Variants in BYSL observed in about 807,000 individuals in gnomAD.
BYSL encodes the protein bystin.
Under a neutral mutation model 45.4 loss-of-function variants are expected in BYSL, and 21 were observed. The observed-to-expected ratio is 0.46, with a 90% CI of 0.33 to 0.67. The LOEUF (loss-of-function observed/expected upper bound fraction) is 0.67, where lower values mean the gene tolerates loss of function less well. Among genes scored for constraint, BYSL ranks in the 30% least tolerant of loss-of-function variants. BYSL has a pLI of 0.02. For missense variants in BYSL, 522 were observed against 578.5 expected (o/e 0.90, Z 1.00); for synonymous variants, 215 against 231.3 (o/e 0.93, Z 0.64).
At chr6:41,922,102 G>A (rs1206949145) in intron 1 of BYSL, among the ~76,000 whole-genome samples, 2 of 152,134 alleles carry the variant, frequency 1.3e-5, no homozygotes, top group African/African-American at 4.8e-5. Context: ...ATATTTATGG[G>A]ATACCCACTA....
the BYSL span, among the ~76,000 whole-genome samples, chr6:41,915,525 C>G: frequency 6.6e-6 from 1 of 151,978 alleles, no homozygotes; most frequent in Non-Finnish European, 1.5e-5. Context: ...CGGTGGCTCA[C>G]GCCTATAATC....
In BYSL at chr6:41,932,554, C is replaced by G; in HGVS notation, c.1162C>G (p.Arg388Gly). ...WHQCLLTLVQ[R>G]YKADLATDQK... ...CCAGTGCCTCCTGACTTTGGTCCAG[C>G]GCTACAAGGCCGACTTGGCCACAGA... The change falls in exon 7 of 7, where the codon CGC becomes GGC. Residue 388 changes from arginine (R) to glycine (G), a missense_variant. Coordinates refer to ENST00000230340, the MANE Select transcript of BYSL (RefSeq NM_004053.4). The surrounding 1 kb of genome is among the most constrained non-coding windows in gnomAD (Gnocchi z 4.7). 1 of 1,614,218 alleles carries G rather than the reference C, an allele frequency of 6.2e-7. No homozygotes were observed. The highest frequency in any genetic ancestry group is 8.5e-7 in the Non-Finnish European group (1 of 1,180,048).
chr6:41,921,071 T>C (rs1333814480), upstream of BYSL: 2 of 1,604,024 alleles, frequency 1.2e-6, no homozygotes, highest in South Asian at 1.1e-5. Context: ...CAGGGTTCCC[T>C]GTCCGCCCAC....
intron 1 of BYSL, among the ~76,000 whole-genome samples, chr6:41,925,363 CA>C (rs1775548284): frequency 1.3e-5 from 2 of 150,090 alleles, no homozygotes; most frequent in African/African-American, 2.5e-5. Flanking sequence ...GGACTAACTT[CA>C]TTTTTTTTTT....
At chr6:41,911,392 C>G in the BYSL span, among the ~76,000 whole-genome samples, 594 of 152,106 alleles carry the variant, frequency 3.9e-3, 3 homozygotes, top group African/African-American at 0.014. Context: ...CTCAGGTGAT[C>G]TGCCCGCCTC....
At chr6:41,915,203 G>C in the BYSL span, among the ~76,000 whole-genome samples, 5 of 152,204 alleles carry the variant, frequency 3.3e-5, no homozygotes, top group Admixed American at 2.0e-4. Context: ...GGAGGCCTAT[G>C]TTGGCAGATC....
chr6:41,914,397 A>G, the BYSL span, among the ~76,000 whole-genome samples: 1 of 152,198 alleles, frequency 6.6e-6, no homozygotes. Context: ...GCTTACAGGG[A>G]AAGTGCAGGA....
At chr6:41,920,008 G>A (rs1157244351), upstream of BYSL, among the ~76,000 whole-genome samples, 1 of 152,132 alleles carries the variant, frequency 6.6e-6, no homozygotes, top group Non-Finnish European at 1.5e-5. Context: ...CCTGGCCTCC[G>A]GATTTCTCCC....
At chr6:41,928,809 C>T (rs371224524) in intron 2 of BYSL, among the ~76,000 whole-genome samples, 2 of 152,206 alleles carry the variant, frequency 1.3e-5, no homozygotes, top group African/African-American at 4.8e-5. Context: ...AGTTATTAAC[C>T]TGAGGCCCAG....
upstream of BYSL, among the ~76,000 whole-genome samples, chr6:41,920,106 C>T (rs1192733549): frequency 6.6e-6 from 1 of 152,138 alleles, no homozygotes; most frequent in Non-Finnish European, 1.5e-5. Context: ...GAGCACTGGA[C>T]CCATACCTTT....
the BYSL span, among the ~76,000 whole-genome samples, chr6:41,916,017 C>G: frequency 2.0e-5 from 3 of 151,902 alleles, no homozygotes; most frequent in African/African-American, 7.2e-5. Context: ...GAAGCTGAGG[C>G]CAGATAATCC....
chr6:41,915,380 G>A, the BYSL span, among the ~76,000 whole-genome samples: 1 of 152,194 alleles, frequency 6.6e-6, no homozygotes, highest in Non-Finnish European at 1.5e-5. Context: ...TGTAGTTTCA[G>A]CTACTCAGGA....
the BYSL span, among the ~76,000 whole-genome samples, chr6:41,915,153 G>C: frequency 6.6e-6 from 1 of 152,168 alleles, no homozygotes; most frequent in African/African-American, 2.4e-5. Context: ...GAACACAAGG[G>C]CCAGGCATGG....
chr6:41,916,962 G>C (rs41271269), upstream of BYSL: 9 of 1,612,916 alleles, frequency 5.6e-6, no homozygotes, highest in African/African-American at 1.1e-4. Context: ...GCACCAAATC[G>C]TCAGTTATCC....
Position 41,921,605 on chromosome 6 carries a change from A to G in BYSL, c.43A>G (p.Lys15Glu), listed in dbSNP as rs1775474578. Reference protein sequence around the residue: ...KAARGVGGQEKHAPLADQILA... With the variant: ...KAARGVGGQEEHAPLADQILA... ...GGCCCGTGGGGTGGGGGGTCAGGAA[A>G]AACATGCGCCCCTGGCCGATCAGAT... Residue 15 changes from lysine to glutamate, a missense_variant, in exon 1 of 7, where the codon AAA becomes GAA. Transcript: ENST00000230340. 5 of 1,600,548 alleles carry G rather than the reference A, an allele frequency of 3.1e-6. No homozygotes were observed. Among genetic ancestry groups the G allele is most frequent in the East Asian group, 2.2e-5 (1 of 44,452 alleles).
At chr6:41,920,653 T>C, upstream of BYSL, 1 of 233,600 alleles carries the variant, frequency 4.3e-6, no homozygotes, top group African/African-American at 2.2e-5. Context: ...CGGGCGCCTG[T>C]AGTCCCAGCT....
chr6:41,912,372 T>TGG, the BYSL span, among the ~76,000 whole-genome samples: 1 of 126,324 alleles, frequency 7.9e-6, no homozygotes, highest in African/African-American at 2.9e-5. Context: ...TTTTTTTTTT[T>TGG]TGGAGATGGA....
At chr6:41,920,112 C>G (rs759242923), upstream of BYSL, among the ~76,000 whole-genome samples, 1 of 152,184 alleles carries the variant, frequency 6.6e-6, no homozygotes, top group Admixed American at 6.5e-5. Flanking sequence ...TGGACCCATA[C>G]CTTTCCCTGC....
Position 41,932,812 on chromosome 6 carries a change from G to A in BYSL, c.*106G>A. Reference sequence around the variant, plus strand: ...TTTAATGGCTGAAGACCCAGATCAGGGCAGTGACAGATCACAGGGACATCT... The same window carrying A: ...TTTAATGGCTGAAGACCCAGATCAGAGCAGTGACAGATCACAGGGACATCT... On this transcript the variant is annotated 3_prime_UTR_variant, in exon 7 of 7. Transcript: ENST00000230340. This position sits in a 1 kb window ranked among gnomAD's most constrained non-coding sequence, Gnocchi z 4.7. 8.4e-7 allele frequency: 1 copy of A among 1,191,292 alleles called. No homozygotes were observed. The highest frequency in any genetic ancestry group is 1.2e-6 in the Non-Finnish European group (1 of 861,148). 73.8% of individuals were successfully genotyped at this position (1,191,292 alleles called of 1,614,324 possible).
Sources: allele counts gnomAD v4.1 joint callset (sites outside exome capture counted in the v4.1 genomes callset), GRCh38; gene constraint gnomAD v4.1.1; non-coding constraint Gnocchi (gnomAD v3.1); transcripts MANE v1.5; gene names NCBI Gene and HGNC (gene_info 2026-07-23, HGNC 2026-07-21).